The following ZCCHC17 variants were observed in gnomAD, a reference collection of about 807,000 sequenced individuals.
The protein encoded by ZCCHC17 is zinc finger CCHC-type containing 17, also known as zinc finger CCHC domain-containing protein 17.
In ZCCHC17, 18 loss-of-function variants were observed where a neutral mutation model predicts 30.6. That is an observed-to-expected ratio of 0.59 (90% CI 0.41 to 0.87). ZCCHC17 has a LOEUF of 0.87. ZCCHC17 is among the 40% of genes least tolerant of loss of function. ZCCHC17 has a pLI of 0.00. For missense variants in ZCCHC17, 263 were observed against 284.2 expected, an observed-to-expected ratio of 0.93 and a Z score of 0.54; for synonymous variants, 88 against 92.4, an observed-to-expected ratio of 0.95 and a Z score of 0.27.
At chr1:31,342,112 C>T (rs571216872) in intron 5 of ZCCHC17, among the ~76,000 whole-genome samples, 1 of 152,098 alleles carries the variant, frequency 6.6e-6, no homozygotes, top group Non-Finnish European at 1.5e-5. Flanking sequence ...GTGGTACAAT[C>T]GTGGCTCACT....
chr1:31,349,044 A>G, intron 7 of ZCCHC17, 70 bp downstream of exon 7: 3 of 1,501,542 alleles, frequency 2.0e-6, no homozygotes, highest in Non-Finnish European at 1.8e-6. Context: ...GAAAAGCCTC[A>G]TGCAGCAGTA....
chr1:31,362,596 T>G (rs1639952235), intron 7 of ZCCHC17, among the ~76,000 whole-genome samples: 1 of 152,182 alleles, frequency 6.6e-6, no homozygotes, highest in African/African-American at 2.4e-5. Context: ...TATAATCTTG[T>G]GAGGTGGCTG....
intron 1 of ZCCHC17, among the ~76,000 whole-genome samples, chr1:31,309,027 C>T (rs1342152941): frequency 6.6e-6 from 1 of 152,050 alleles, no homozygotes; most frequent in African/African-American, 2.4e-5. Flanking sequence ...CAGGTGATTT[C>T]ATTTTCTTTA....
At chr1:31,312,805 G>A (rs957391863) in intron 2 of ZCCHC17, among the ~76,000 whole-genome samples, 1 of 152,106 alleles carries the variant, frequency 6.6e-6, no homozygotes, top group Non-Finnish European at 1.5e-5. Context: ...TGTTGCCCAG[G>A]TTGGAGTGCA....
At position 31,320,208 on chromosome 1, in the gene ZCCHC17, C is replaced by T. The variant is rs917716711; in HGVS notation, c.124+1042C>T. ...AATGAGAATAAAATATTCATACATG[C>T]AACAACCTGGATCATCCCTCTCCAG... On this transcript the variant is annotated intron_variant, in intron 3 of 7. Transcript: ENST00000344147. Among the ~76,000 whole-genome samples, 13 of 152,296 alleles carry T rather than the reference C, an allele frequency of 8.5e-5. No individual in the cohort carries two copies. The East Asian group carries it at 1.9e-3, about 23-fold the overall frequency.
At chr1:31,323,259 G>C (rs1646902536) in intron 3 of ZCCHC17, among the ~76,000 whole-genome samples, 1 of 152,102 alleles carries the variant, frequency 6.6e-6, no homozygotes, top group South Asian at 2.1e-4. Flanking sequence ...GTGTACTATA[G>C]TTTTCCAAAA....
intron 7 of ZCCHC17, among the ~76,000 whole-genome samples, chr1:31,356,715 C>T (rs1353314109): frequency 2.0e-5 from 3 of 152,176 alleles, no homozygotes; most frequent in Non-Finnish European, 2.9e-5. Context: ...AGCCTTCCCA[C>T]GTCTTTTCAT....
chr1:31,319,205 ACT>A, intron 3 of ZCCHC17, 39 bp downstream of exon 3: 1 of 1,554,966 alleles, frequency 6.4e-7, no homozygotes, highest in Middle Eastern at 1.7e-4. Context: ...CTCTGATTCT[ACT>A]CTCTGCTAAC....
Position 31,364,243 on chromosome 1 carries a change from G to A in ZCCHC17, c.*50G>A, listed in dbSNP as rs749918808. 7 of 1,568,282 alleles carry A rather than the reference G, an allele frequency of 4.5e-6. No individual in the cohort carries two copies. Among genetic ancestry groups the A allele is most frequent in the African/African-American group, 1.4e-5 (1 of 72,458 alleles). On this transcript the variant is annotated 3_prime_UTR_variant, in exon 8 of 8. Transcript: ENST00000344147. The stretch of plus-strand genomic sequence containing the variant: ...TTGAGAGTAAGAAACCAGGAGCCTT[G>A]TGCCTTGAGACTCCTGGAAAGACTC...
chr1:31,333,585 C>G (rs897705619), intron 3 of ZCCHC17, among the ~76,000 whole-genome samples: 3 of 152,086 alleles, frequency 2.0e-5, no homozygotes, highest in Non-Finnish European at 4.4e-5. Context: ...ATAGTTTACT[C>G]TCACTGACTC....
At chr1:31,308,130 AT>A (rs924413431) in intron 1 of ZCCHC17, among the ~76,000 whole-genome samples, 1 of 152,222 alleles carries the variant, frequency 6.6e-6, no homozygotes, top group African/African-American at 2.4e-5. Flanking sequence ...AAGAGGCAGG[AT>A]TTAACCAGAA....
intron 7 of ZCCHC17, among the ~76,000 whole-genome samples, chr1:31,353,582 CT>C (rs1052848076): frequency 1.3e-4 from 20 of 152,126 alleles, no homozygotes; most frequent in African/African-American, 4.8e-4. Context: ...TGTCATGAAG[CT>C]TTTCCCTTAT....
At chr1:31,350,303 G>C (rs1467590660) in intron 7 of ZCCHC17, among the ~76,000 whole-genome samples, 3 of 152,096 alleles carry the variant, frequency 2.0e-5, no homozygotes, top group Admixed American at 6.6e-5. Context: ...AAACTGATGA[G>C]GTCCTTGCCC....
intron 1 of ZCCHC17, among the ~76,000 whole-genome samples, chr1:31,304,900 C>G (rs1646413412): frequency 1.3e-5 from 2 of 152,082 alleles, no homozygotes; most frequent in Admixed American, 1.3e-4. Context: ...CGGCTGTATA[C>G]TCTTTAAAAG....
intron 1 of ZCCHC17, among the ~76,000 whole-genome samples, chr1:31,302,533 T>G (rs1274232226): frequency 6.6e-6 from 1 of 152,332 alleles, no homozygotes; most frequent in African/African-American, 2.4e-5. Flanking sequence ...TCCTCTAATG[T>G]TGGGACCTAG....
Position 31,364,300 on chromosome 1 carries a change from A to AAT in ZCCHC17, c.*107_*108insAT. ...GAGAATATAGCCTCCCACCCCATTA[A>AAT]CTTCGCTCCCATGGGAGATGGCTTC... On this transcript the variant is annotated 3_prime_UTR_variant, in exon 8 of 8. Transcript: ENST00000344147. The AAT allele has an allele frequency of 6.9e-7, 1 of 1,448,082 alleles. No homozygotes were observed. Among genetic ancestry groups the AAT allele is most frequent in the South Asian group, 1.5e-5 (1 of 64,664 alleles). The allele number at this position is 1,448,082 out of a possible 1,614,324, so 89.7% of individuals were successfully genotyped here. A position where few individuals can be genotyped will look rare whatever the true frequency, so the allele number is the denominator to read the frequency against.
chr1:31,337,193 A>C lies in ZCCHC17; in HGVS notation c.143A>C (p.His48Pro), dbSNP rs1638854525. The stretch of plus-strand genomic sequence containing the variant: ...TGCCCAGGTCTGGTCCATCGAACTC[A>C]TATGTCATCCTGTCGGGTGGATAAG... ...CRKQGLVHRT[H>P]MSSCRVDKPS... The change falls in exon 4 of 8, where the codon CAT (histidine) becomes CCT (proline). Residue 48 changes from histidine to proline, a missense_variant. By Grantham distance (77) the His-to-Pro change is moderately conservative. Coordinates refer to ENST00000344147, the MANE Select transcript of ZCCHC17 (RefSeq NM_016505.4). The C allele has an allele frequency of 6.2e-7, 1 of 1,613,996 alleles. No individual in the cohort carries two copies. The highest frequency in any genetic ancestry group is 8.5e-7 in the Non-Finnish European group (1 of 1,180,002).
intron 7 of ZCCHC17, among the ~76,000 whole-genome samples, chr1:31,357,641 G>C (rs1639692080): frequency 6.6e-6 from 1 of 152,228 alleles, no homozygotes; most frequent in South Asian, 2.1e-4. Context: ...AATGTATCAA[G>C]TAGTGATAAG....
intron 1 of ZCCHC17, among the ~76,000 whole-genome samples, chr1:31,306,420 T>C (rs758954584): frequency 1.3e-5 from 2 of 152,218 alleles, no homozygotes; most frequent in Admixed American, 6.5e-5. Context: ...GACTAGTGTA[T>C]GCAGCATGGA....
Sources: allele counts gnomAD v4.1 joint callset (sites outside exome capture counted in the v4.1 genomes callset), GRCh38; gene constraint gnomAD v4.1.1; transcripts MANE v1.5; gene names NCBI Gene and HGNC (gene_info 2026-07-23, HGNC 2026-07-21).